The following CD99L2 variants were observed in gnomAD, a reference collection of about 807,000 sequenced individuals.
The protein encoded by CD99L2 is CD99 antigen-like protein 2.
A neutral mutation model predicts 27.3 loss-of-function variants in CD99L2; 24 were observed. The ratio of observed to expected loss-of-function variants is 0.88; its 90% confidence interval spans 0.64 to 1.24. The LOEUF (loss-of-function observed/expected upper bound fraction) is 1.24, where lower values mean the gene tolerates loss of function less well. CD99L2 is among the 50% of genes most tolerant of loss of function. The pLI, the probability that CD99L2 is intolerant of heterozygous loss-of-function variation, is 0.00. For missense variants in CD99L2, 255 were observed against 221.6 expected (o/e 1.15, Z -0.96); for synonymous variants, 97 against 87.9 (o/e 1.10, Z -0.58).
chrX:150,811,320 G>T (rs1557420353), intron 4 of CD99L2, among the ~76,000 whole-genome samples: 2 of 110,998 alleles, frequency 1.8e-5, no homozygotes, highest in African/African-American at 6.5e-5. Flanking sequence ...TATTAGAGAA[G>T]ATTCTCTGAA....
At chrX:150,806,242 G>A (rs1428511604) in intron 4 of CD99L2, among the ~76,000 whole-genome samples, 3 of 112,061 alleles carry the variant, frequency 2.7e-5, no homozygotes, top group East Asian at 5.6e-4. Flanking sequence ...AAATTACCAC[G>A]ATTTGAGCAT....
chrX:150,865,087 A>G (rs1453125726), intron 1 of CD99L2, among the ~76,000 whole-genome samples: 2 of 110,267 alleles, frequency 1.8e-5, no homozygotes, highest in Admixed American at 9.7e-5. Context: ...AAAAAATTAA[A>G]TTTTACATAT....
At chrX:150,804,276 T>G (rs1200766528) in intron 4 of CD99L2, among the ~76,000 whole-genome samples, 1 of 111,886 alleles carries the variant, frequency 8.9e-6, no homozygotes, top group African/African-American at 3.3e-5. Context: ...CACAAATGTG[T>G]GGAAATTGAA....
At chrX:150,898,415 A>G in intron 1 of CD99L2, 107 bp downstream of exon 1, 6 of 580,470 alleles carry the variant, frequency 1.0e-5, no homozygotes. Flanking sequence ...GGTGGCAGCC[A>G]CCGCAGGCCC....
In CD99L2 at chrX:150,879,691, G is replaced by T. The variant is rs1045907977; in HGVS notation, c.67+18831C>A. On this transcript the variant is annotated intron_variant, in intron 1 of 10. Transcript: ENST00000370377. The stretch of plus-strand genomic sequence containing the variant: ...GGGGGCCAAGGCAGAAGGATCAATT[G>T]AGCCTAGGAGTTCAAGACCAGCCTG... Among the ~76,000 whole-genome samples, 50 of 95,526 alleles carry T rather than the reference G, an allele frequency of 5.2e-4. 1 individual carries two copies. Among genetic ancestry groups the T allele is most frequent in the African/African-American group, 1.9e-3 (49 of 25,246 alleles). 83.0% of individuals were successfully genotyped at this position (95,526 alleles called of 115,157 possible). A position where few individuals can be genotyped will look rare whatever the true frequency, so the allele number is the denominator to read the frequency against.
chrX:150,831,343 T>A, intron 1 of CD99L2, 50 bp from the exon 2 acceptor site: 1 of 961,464 alleles, frequency 1.0e-6, no homozygotes, highest in Non-Finnish European at 1.5e-6. Context: ...AACAAAGTAA[T>A]AATGAAATAT....
chrX:150,797,040 TGAA>T (rs1206744837), intron 4 of CD99L2, among the ~76,000 whole-genome samples: 12 of 110,602 alleles, frequency 1.1e-4, no homozygotes, highest in African/African-American at 2.6e-4. Flanking sequence ...AAGTTAGACA[TGAA>T]GAAGAGCCTC....
At chrX:150,826,631 G>C (rs952515221) in intron 2 of CD99L2, among the ~76,000 whole-genome samples, 1 of 112,051 alleles carries the variant, frequency 8.9e-6, no homozygotes, top group East Asian at 2.8e-4. Flanking sequence ...ATAGGTAAAG[G>C]ATACAATGTT....
At chrX:150,824,025 A>AGAG (rs551423748) in intron 2 of CD99L2, among the ~76,000 whole-genome samples, 5,066 of 96,441 alleles carry the variant, frequency 0.053, 144 homozygotes, top group South Asian at 0.11. Context: ...AGGAAGAGGA[A>AGAG]GAGGAGGAGG....
chrX:150,766,515 C>T lies in CD99L2; in HGVS notation c.*2519G>A, dbSNP rs2043315121. ...CCCAGAGCCTCCCCTCTGGGTCCCA[C>T]CCCAGAAGCCACGCACACCTCCTTC... On this transcript the variant is annotated 3_prime_UTR_variant, in exon 11 of 11. Transcript: ENST00000370377. 9.0e-6 allele frequency: 1 copy of T among 111,595 alleles called. No individual in the cohort carries two copies. The highest frequency in any genetic ancestry group is 3.3e-5 in the African/African-American group (1 of 30,580). 9.2% of individuals were successfully genotyped at this position (111,595 alleles called of 1,213,427 possible).
intron 1 of CD99L2, among the ~76,000 whole-genome samples, chrX:150,896,735 A>G (rs6526193): frequency 0.13 from 14,183 of 111,804 alleles, 1,371 homozygotes; most frequent in African/African-American, 0.33. Flanking sequence ...GTCCCTAAGT[A>G]GTCGAAGTGG....
At chrX:150,784,049 C>T (rs576537814) in intron 7 of CD99L2, among the ~76,000 whole-genome samples, 6 of 111,275 alleles carry the variant, frequency 5.4e-5, no homozygotes, top group East Asian at 2.8e-4. Context: ...ACACCTAGCC[C>T]GAGCAACGGA....
chrX:150,771,741 G>A, intron 9 of CD99L2: 1 of 1,119,051 alleles, frequency 8.9e-7, no homozygotes, highest in South Asian at 1.9e-5. Flanking sequence ...GCCAGAGCAG[G>A]GGGCGAATGA....
Position 150,875,235 on chromosome X carries a change from TC to T in CD99L2, c.67+23286del, listed in dbSNP as rs1178060491. The stretch of plus-strand genomic sequence containing the variant: ...AGGTATAAGAAATAATACAAAGAGA[TC>T]CCTTGTACACTTAGCTCAGTTTACT... On this transcript the variant is annotated intron_variant, in intron 1 of 10. Transcript: ENST00000370377. 2.7e-5 allele frequency among the ~76,000 whole-genome samples: 3 copies of T among 112,215 alleles called. No homozygotes were observed. The Admixed American group carries it at 2.8e-4, about 11-fold the overall frequency.
chrX:150,888,535 G>A (rs782792936), intron 1 of CD99L2, among the ~76,000 whole-genome samples: 1 of 112,204 alleles, frequency 8.9e-6, no homozygotes, highest in Non-Finnish European at 1.9e-5. Flanking sequence ...GAGGGGGAAT[G>A]ATGATGATCA....
intron 1 of CD99L2, among the ~76,000 whole-genome samples, chrX:150,863,933 G>GGA (rs2047019102): frequency 8.9e-6 from 1 of 111,736 alleles, no homozygotes; most frequent in African/African-American, 3.3e-5. Flanking sequence ...CCAGCAGCAG[G>GGA]GAGAGACAAG....
chrX:150,866,694 T>C (rs1296548969), intron 1 of CD99L2, among the ~76,000 whole-genome samples: 1 of 112,368 alleles, frequency 8.9e-6, no homozygotes, highest in Non-Finnish European at 1.9e-5. Context: ...TCAAAATAGC[T>C]AGATGAGAAG....
chrX:150,895,831 T>C (rs946300728), intron 1 of CD99L2, among the ~76,000 whole-genome samples: 1 of 106,218 alleles, frequency 9.4e-6, no homozygotes, highest in Admixed American at 1.0e-4. Context: ...ATAGAGACCA[T>C]CCTGGCTAAC....
In CD99L2 at chrX:150,768,795, G is replaced by A; in HGVS notation, c.*239C>T. 4 of 730,720 alleles carry A rather than the reference G, an allele frequency of 5.5e-6. No homozygotes were observed. The highest frequency in any genetic ancestry group is 7.1e-6 in the Non-Finnish European group (4 of 559,487). 60.2% of individuals were successfully genotyped at this position (730,720 alleles called of 1,213,427 possible). A position where few individuals can be genotyped will look rare whatever the true frequency, so the allele number is the denominator to read the frequency against. On this transcript the variant is annotated 3_prime_UTR_variant, in exon 11 of 11. Transcript: ENST00000370377. ...GAGTTGGTGGCTCAGCAGCTCCCGA[G>A]GCTGGTGCTGGCTTTCTATCAGAGC...
Sources: allele counts gnomAD v4.1 joint callset (sites outside exome capture counted in the v4.1 genomes callset), GRCh38; gene constraint gnomAD v4.1.1; transcripts MANE v1.5; gene names NCBI Gene and HGNC (gene_info 2026-07-23, HGNC 2026-07-21).